Variants in C6orf141 observed in about 807,000 individuals in gnomAD.
The protein encoded by C6orf141 is uncharacterized protein C6orf141.
For synonymous variants in C6orf141, 164 were observed against 140.5 expected, an observed-to-expected ratio of 1.17 and a Z score of -1.18; for missense variants, 361 against 335.8, an observed-to-expected ratio of 1.07 and a Z score of -0.59.
intron 4 of C6orf141, among the ~76,000 whole-genome samples, chr6:49,561,244 C>A (rs543504207): frequency 3.9e-5 from 6 of 152,070 alleles, no homozygotes; most frequent in Non-Finnish European, 7.4e-5. Context: ...ATTACGGGTG[C>A]GTGCAGCCAA....
intron 4 of C6orf141, among the ~76,000 whole-genome samples, chr6:49,558,179 A>G (rs1184400283): frequency 1.3e-5 from 2 of 151,246 alleles, no homozygotes; most frequent in Non-Finnish European, 1.5e-5. Context: ...CTCGGATAAC[A>G]GGTGTGAGCC....
At position 49,550,718 on chromosome 6, in the gene C6orf141, C is replaced by A. The variant is rs1441376101; in HGVS notation, c.-75C>A. The A allele has an allele frequency of 1.5e-6, 2 of 1,307,178 alleles. No individual in the cohort carries two copies. The highest frequency in any genetic ancestry group is 3.4e-5 in the South Asian group (2 of 58,788). The allele number at this position is 1,307,178 out of a possible 1,614,324, so 81.0% of individuals were successfully genotyped here. On this transcript the variant is annotated 5_prime_UTR_variant, in exon 1 of 1. Coordinates refer to ENST00000529246, the MANE Select transcript of C6orf141 (RefSeq NM_001145652.2). The stretch of plus-strand genomic sequence containing the variant: ...GTCCGGAGCTGCAGCAGAGGCCACA[C>A]CCAGGGCTTGGTGGTCCCGCGCTTT...
Position 49,552,075 on chromosome 6 carries a change from C to T in C6orf141, c.*548C>T, listed in dbSNP as rs1188754442. The T allele has an allele frequency of 2.4e-6, 1 of 410,932 alleles. No individual in the cohort carries two copies. Among genetic ancestry groups the T allele is most frequent in the Non-Finnish European group, 3.4e-6 (1 of 292,668 alleles). 25.5% of individuals were successfully genotyped at this position (410,932 alleles called of 1,614,324 possible). A position where few individuals can be genotyped will look rare whatever the true frequency, so the allele number is the denominator to read the frequency against. The stretch of plus-strand genomic sequence containing the variant: ...CCACATTTCAGTGTTAGAAAGAAAA[C>T]GAGAGGAGCTAGGGAAAGAAGGAGT... On this transcript the variant is annotated 3_prime_UTR_variant, in exon 1 of 1. Transcript: ENST00000529246.
downstream of C6orf141, among the ~76,000 whole-genome samples, chr6:49,553,894 T>C (rs1771211671): frequency 6.6e-6 from 1 of 152,192 alleles, no homozygotes; most frequent in Non-Finnish European, 1.5e-5. Context: ...TATTGTTTAG[T>C]TCACTTTTCA....
chr6:49,552,252 A>G (rs1342326473), downstream of C6orf141: 2 of 152,262 alleles, frequency 1.3e-5, no homozygotes, highest in Non-Finnish European at 2.9e-5. Flanking sequence ...AACTAAAGGT[A>G]GATAGCAATA....
chr6:49,551,246 G>A lies in C6orf141; in HGVS notation c.454G>A (p.Ala152Thr), dbSNP rs1770438794. Residue 152 changes from alanine (A) to threonine (T), a missense_variant, in exon 1 of 1, where the codon GCA (alanine) becomes ACA (threonine). By Grantham distance (58) the Ala-to-Thr change is moderately conservative (BLOSUM62 0). Transcript: ENST00000529246. ...GRRVAPPRDA[A>T]DPPKYVLVRV... Reference sequence around the variant, plus strand: ...GCGTGTAGCCCCGCCGCGGGACGCAGCAGACCCACCCAAATACGTGCTTGT... The same window carrying A: ...GCGTGTAGCCCCGCCGCGGGACGCAACAGACCCACCCAAATACGTGCTTGT... The A allele has an allele frequency of 6.4e-7, 1 of 1,551,746 alleles. No homozygotes were observed. The highest frequency in any genetic ancestry group is 2.4e-5 in the East Asian group (1 of 40,912).
chr6:49,550,864 C>G lies in C6orf141; in HGVS notation c.72C>G (p.Arg24=). 1.3e-6 allele frequency: 2 copies of G among 1,503,220 alleles called. No homozygotes were observed. The allele number at this position is 1,503,220 out of a possible 1,614,324, so 93.1% of individuals were successfully genotyped here. A position where few individuals can be genotyped will look rare whatever the true frequency, so the allele number is the denominator to read the frequency against. ...CTGCGAATCCCATGGACTCCTCCCG[C>G]AGCCTGGGGGACCTCGGGCCTTTTC... is the stretch of plus-strand genomic sequence containing the variant. ...QGAANPMDSS[R]SLGDLGPFPR... is the part of the protein sequence containing the mutation. Residue 24 remains arginine (R), a synonymous_variant, in exon 1 of 1, where the codon CGC becomes CGG. Transcript: ENST00000529246.
chr6:49,559,016 C>G (rs1211371769), intron 4 of C6orf141, among the ~76,000 whole-genome samples: 1 of 151,438 alleles, frequency 6.6e-6, no homozygotes, highest in African/African-American at 2.4e-5. Context: ...CTTCAGTTTA[C>G]TCTTCAATCT....
downstream of C6orf141, among the ~76,000 whole-genome samples, chr6:49,555,653 C>T (rs1014969922): frequency 1.3e-5 from 2 of 152,044 alleles, no homozygotes; most frequent in African/African-American, 4.8e-5. Flanking sequence ...GGACTACAGG[C>T]GCTCGCCATC....
downstream of C6orf141, among the ~76,000 whole-genome samples, chr6:49,553,915 GCTTTAGT>G (rs1246559198): frequency 6.6e-6 from 1 of 151,936 alleles, no homozygotes; most frequent in African/African-American, 2.4e-5. Flanking sequence ...TCCTAACTAG[GCTTTAGT>G]CTTTTGTTTA....
intron 4 of C6orf141, among the ~76,000 whole-genome samples, chr6:49,560,271 C>T (rs139062819): frequency 0.042 from 6,397 of 151,822 alleles, 188 homozygotes; most frequent in Non-Finnish European, 0.056. Context: ...GCCGAGATCG[C>T]GCCACCGCAC....
At chr6:49,559,542 G>T (rs1772855095) in intron 4 of C6orf141, among the ~76,000 whole-genome samples, 1 of 151,932 alleles carries the variant, frequency 6.6e-6, no homozygotes, top group South Asian at 2.1e-4. Flanking sequence ...GGTCACTGGG[G>T]TTATAGCATA....
rs1266572226 is a variant in C6orf141 at position 49,551,058 on chromosome 6, T to C, written c.266T>C (p.Val89Ala). 1.9e-6 allele frequency: 3 copies of C among 1,551,348 alleles called. No homozygotes were observed. Among genetic ancestry groups the C allele is most frequent in the Non-Finnish European group, 2.6e-6 (3 of 1,146,940 alleles). The change falls in exon 1 of 1, where the codon GTG (valine) becomes GCG (alanine). Residue 89 changes from valine to alanine, a missense_variant. Coordinates refer to ENST00000529246, the MANE Select transcript of C6orf141 (RefSeq NM_001145652.2). ...CGTGAGTCCTGGGTCAGAGAGAAAG[T>C]GCTCTTTCTCCTGCACCCAGAGAGG... ...LDRESWVREK[V>A]LFLLHPERWL...
rs1432154282 is a variant in C6orf141 at position 49,552,049 on chromosome 6, C to T, written c.*522C>T. 1.6e-6 allele frequency: 1 copy of T among 634,024 alleles called. No homozygotes were observed. Among genetic ancestry groups the T allele is most frequent in the East Asian group, 1.4e-4 (1 of 7,146 alleles). 39.3% of individuals were successfully genotyped at this position (634,024 alleles called of 1,614,324 possible). A position where few individuals can be genotyped will look rare whatever the true frequency, so the allele number is the denominator to read the frequency against. On this transcript the variant is annotated 3_prime_UTR_variant, in exon 1 of 1. Transcript: ENST00000529246. The stretch of plus-strand genomic sequence containing the variant: ...TGATGTGCACTTTTCATTTTTCTCC[C>T]CCACATTTCAGTGTTAGAAAGAAAA...
chr6:49,559,029 T>C (rs1772686831), intron 4 of C6orf141, among the ~76,000 whole-genome samples: 1 of 151,528 alleles, frequency 6.6e-6, no homozygotes, highest in African/African-American at 2.4e-5. Context: ...TTCAATCTAA[T>C]TAGGCTTTAG....
At chr6:49,556,836 A>T (rs142084815), downstream of C6orf141, among the ~76,000 whole-genome samples, 2 of 152,352 alleles carry the variant, frequency 1.3e-5, no homozygotes, top group East Asian at 3.9e-4. Context: ...TACTTTGGAG[A>T]GAGTAAGGAG....
chr6:49,555,759 C>T (rs966343084), downstream of C6orf141, among the ~76,000 whole-genome samples: 4 of 152,124 alleles, frequency 2.6e-5, no homozygotes, highest in Admixed American at 1.3e-4. Context: ...CTGTCCACCT[C>T]AGCCTCCCAA....
chr6:49,555,378 T>C (rs1360781376), downstream of C6orf141: 1 of 152,160 alleles, frequency 6.6e-6, no homozygotes, highest in Non-Finnish European at 1.5e-5. Flanking sequence ...AAAAAGAAGA[T>C]ATAATAAAGG....
downstream of C6orf141, chr6:49,552,271 G>T (rs2127271497): frequency 6.6e-6 from 1 of 152,278 alleles, no homozygotes; most frequent in Admixed American, 6.5e-5. Flanking sequence ...TATGTAGTTT[G>T]CCATAAAATG....
Sources: allele counts gnomAD v4.1 joint callset (sites outside exome capture counted in the v4.1 genomes callset), GRCh38; gene constraint gnomAD v4.1.1; transcripts MANE v1.5; gene names NCBI Gene and HGNC (gene_info 2026-07-23, HGNC 2026-07-21).